The following PDXDC1 variants were observed in gnomAD, a reference collection of about 807,000 sequenced individuals.
PDXDC1 encodes the protein pyridoxal dependent decarboxylase domain containing 1, also known as pyridoxal-dependent decarboxylase domain-containing protein 1.
Under a neutral mutation model 100.1 loss-of-function variants are expected in PDXDC1, and 42 were observed. That is an observed-to-expected ratio of 0.42 (90% CI 0.33 to 0.54). The LOEUF (loss-of-function observed/expected upper bound fraction) is 0.54. Ranked by LOEUF, PDXDC1 falls within the 20% of genes least tolerant of loss-of-function variation. The pLI is 0.10. For missense variants in PDXDC1, 636 were observed against 979.2 expected (o/e 0.65, Z 4.68); for synonymous variants, 260 against 371.7 (o/e 0.70, Z 3.46).
chr16:14,980,095 G>T (rs2151150562), intron 1 of PDXDC1, among the ~76,000 whole-genome samples: 1 of 152,398 alleles, frequency 6.6e-6, no homozygotes, highest in Admixed American at 6.5e-5. Context: ...CTCGGCCATA[G>T]TACAAAGTTC....
intron 16 of PDXDC1, among the ~76,000 whole-genome samples, chr16:15,110,160 A>AAAG (rs1555470477): frequency 6.7e-6 from 1 of 149,950 alleles, no homozygotes; most frequent in African/African-American, 2.4e-5. Flanking sequence ...AAAAAAAAAA[A>AAAG]AGAGAGAGAG....
intron 13 of PDXDC1, among the ~76,000 whole-genome samples, chr16:15,024,576 C>A (rs1462790542): frequency 1.3e-5 from 2 of 152,244 alleles, no homozygotes; most frequent in African/African-American, 2.4e-5. Context: ...CCATGTCCAG[C>A]TAATTTCTGT....
intron 1 of PDXDC1, chr16:14,975,454 C>T: frequency 4.1e-6 from 4 of 985,362 alleles, no homozygotes; most frequent in Non-Finnish European, 4.8e-6. Context: ...TCGGTGGGGG[C>T]CGCGACGGGC....
chr16:15,136,821 C>T lies in PDXDC1; in HGVS notation c.1400-2058C>T. On this transcript the variant is annotated intron_variant, in intron 16 of 16. Coordinates refer to the PDXDC1 transcript ENST00000535621. ...AAGACGGGGGTACCAGGCTCTGCCC[C>T]ATCTGGATGGCCCTGGGGAGGAAGG... 6 of 1,105,696 alleles carry T rather than the reference C, an allele frequency of 5.4e-6. No individual in the cohort carries two copies. The South Asian group carries it at 6.5e-5, about 12-fold the overall frequency. The allele number at this position is 1,105,696 out of a possible 1,614,324, so 68.5% of individuals were successfully genotyped here.
chr16:15,047,933 G>A (rs2044141338), intron 16 of PDXDC1: 1 of 1,611,834 alleles, frequency 6.2e-7, no homozygotes, highest in Non-Finnish European at 8.5e-7. Context: ...GTTTAAAAAA[G>A]AAATAAAATA....
intron 1 of PDXDC1, among the ~76,000 whole-genome samples, chr16:14,996,955 A>G (rs1972109705): frequency 6.6e-6 from 1 of 152,278 alleles, no homozygotes. Flanking sequence ...CTTACCAAAG[A>G]CCAAGTTGTC....
chr16:14,990,194 GGCCGCCGGGCCC>G (rs1970436000), intron 1 of PDXDC1: 1 of 1,135,936 alleles, frequency 8.8e-7, no homozygotes, highest in Non-Finnish European at 1.1e-6. Context: ...GCGCGAGGGC[GGCCGCCGGGCCC>G]GCCGCCCAGC....
At chr16:14,993,595 A>G (rs1364687313) in intron 1 of PDXDC1, among the ~76,000 whole-genome samples, 10 of 152,296 alleles carry the variant, frequency 6.6e-5, no homozygotes, top group African/African-American at 2.2e-4. Context: ...TAGTGCCACA[A>G]TAAACATACG....
intron 16 of PDXDC1, chr16:15,070,029 A>G: frequency 1.9e-6 from 2 of 1,035,204 alleles, no homozygotes; most frequent in Non-Finnish European, 1.4e-6. Context: ...GGGTGACAAG[A>G]ACACAAGGAA....
chr16:14,997,543 A>T (rs1416800890), intron 1 of PDXDC1, among the ~76,000 whole-genome samples: 1 of 152,286 alleles, frequency 6.6e-6, no homozygotes, highest in East Asian at 1.9e-4. Context: ...CAACTCAAAA[A>T]ATAAAAATAA....
intron 16 of PDXDC1, among the ~76,000 whole-genome samples, chr16:15,110,028 C>G: frequency 6.8e-6 from 1 of 147,704 alleles, no homozygotes; most frequent in Non-Finnish European, 1.5e-5. Context: ...GTGGTGGGCA[C>G]CTGTAATCCC....
chr16:15,100,334 A>T (rs1170018409), intron 16 of PDXDC1, among the ~76,000 whole-genome samples: 1 of 152,240 alleles, frequency 6.6e-6, no homozygotes, highest in Admixed American at 6.5e-5. Context: ...CAAATGCAAG[A>T]TCTCAACTAT....
At chr16:15,089,786 C>CAAAAAAAAAA (rs142235345) in intron 16 of PDXDC1, among the ~76,000 whole-genome samples, 7 of 66,580 alleles carry the variant, frequency 1.1e-4, no homozygotes, top group African/African-American at 1.4e-4. Flanking sequence ...GGCGACAGAG[C>CAAAAAAAAAA]AAAAAAAAAA....
At chr16:15,112,231 CTT>C (rs1475455159) in intron 16 of PDXDC1, among the ~76,000 whole-genome samples, 4 of 148,382 alleles carry the variant, frequency 2.7e-5, no homozygotes, top group African/African-American at 4.9e-5. Context: ...ATTGAAATGA[CTT>C]TTTTCTTGAG....
chr16:15,135,633 C>A, intron 16 of PDXDC1: 1 of 1,572,948 alleles, frequency 6.4e-7, no homozygotes, highest in Non-Finnish European at 8.7e-7. Flanking sequence ...GGAGGACGGC[C>A]CTGCCACGCA....
chr16:15,132,323 AG>A (rs1485604584), intron 16 of PDXDC1, among the ~76,000 whole-genome samples: 1 of 25,462 alleles, frequency 3.9e-5, no homozygotes, highest in African/African-American at 1.4e-4. Context: ...GGGCTAGCGG[AG>A]GGGAGGGGAG....
intron 16 of PDXDC1, chr16:15,125,185 C>T (rs943947673): frequency 1.2e-5 from 6 of 488,356 alleles, no homozygotes; most frequent in South Asian, 7.3e-5. Flanking sequence ...AAAAAGAAGC[C>T]CTAGATTTCG....
chr16:15,100,159 C>T (rs1217384549), intron 16 of PDXDC1, among the ~76,000 whole-genome samples: 2 of 152,130 alleles, frequency 1.3e-5, no homozygotes, highest in African/African-American at 4.8e-5. Flanking sequence ...TTAAGTTATG[C>T]TCAACTAATG....
chr16:15,061,773 CG>C, intron 16 of PDXDC1: 1 of 1,613,894 alleles, frequency 6.2e-7, no homozygotes, highest in Non-Finnish European at 8.5e-7. Context: ...ATGTACAACA[CG>C]GGTGGGGAGC....
Sources: allele counts gnomAD v4.1 joint callset (sites outside exome capture counted in the v4.1 genomes callset), GRCh38; gene constraint gnomAD v4.1.1; transcripts MANE v1.5; gene names NCBI Gene and HGNC (gene_info 2026-07-23, HGNC 2026-07-21).